The following PRCD variants were observed in gnomAD, a reference collection of about 807,000 sequenced individuals.
The protein encoded by PRCD is photoreceptor disc component.
Under a neutral mutation model 10.1 loss-of-function variants are expected in PRCD, and 12 were observed. That is an observed-to-expected ratio of 1.18 (90% CI 0.76 to 1.92). The LOEUF is 1.92. Among genes scored for constraint, PRCD ranks in the 40% most tolerant of loss-of-function variants. The pLI is 0.00. For missense variants in PRCD, 61 were observed against 72.2 expected (o/e 0.84, Z 0.56); for synonymous variants, 31 against 26.2 (o/e 1.18, Z -0.56).
intron 1 of PRCD, chr17:76,529,026 G>GC: frequency 2.0e-6 from 2 of 981,362 alleles, no homozygotes; most frequent in Non-Finnish European, 2.4e-6. Flanking sequence ...TACACACAGC[G>GC]CCCCCTGCAG....
rs2074826620 is a variant in PRCD at position 76,530,715 on chromosome 17, C to G, written n.45+2882C>G. ...TGTGGCTTTGGGTGCTCTGAGCTCT[C>G]CCTGGCTCTAGGGAAGGGGAAGGCT... On this transcript the variant is annotated intron_variant and non_coding_transcript_variant, in intron 1 of 4. Transcript: ENST00000397633. This position sits in a 1 kb window ranked among gnomAD's most constrained non-coding sequence, Gnocchi z 6.1. 1.3e-5 allele frequency among the ~76,000 whole-genome samples: 2 copies of G among 152,170 alleles called. No homozygotes were observed. Among genetic ancestry groups the G allele is most frequent in the Admixed American group, 1.3e-4 (2 of 15,274 alleles).
rs949911530 is a variant in PRCD, at chr17:76,531,447, T to C, written n.45+3614T>C. ...TGGGCGGTGGGGGCTCTGCAGCAGA[T>C]GGGGGCGCATACCTTGAAGTACACC... On this transcript the variant is annotated intron_variant and non_coding_transcript_variant, in intron 1 of 4. Transcript: ENST00000397633. The surrounding 1 kb of genome is among the most constrained non-coding windows in gnomAD (Gnocchi z 7.4). 1.3e-6 allele frequency: 2 copies of C among 1,596,870 alleles called. No homozygotes were observed. Among genetic ancestry groups the C allele is most frequent in the Non-Finnish European group, 1.7e-6 (2 of 1,165,720 alleles).
At position 76,544,600 on chromosome 17, in the gene PRCD, C is replaced by T. The variant is rs1195224516; in HGVS notation, c.*950C>T. ...GCCAGAGCGCCAGCCTGACCCAGGC[C>T]GTGAGCCCGTGATCGCCTGTCTCAG... is the stretch of plus-strand genomic sequence containing the variant. On this transcript the variant is annotated 3_prime_UTR_variant, in exon 5 of 5. Transcript: ENST00000592014. 7 of 456,614 alleles carry T rather than the reference C, an allele frequency of 1.5e-5. No homozygotes were observed. Among genetic ancestry groups the T allele is most frequent in the Admixed American group, 2.3e-5 (1 of 42,570 alleles). The allele number at this position is 456,614 out of a possible 1,614,324, so 28.3% of individuals were successfully genotyped here. A position where few individuals can be genotyped will look rare whatever the true frequency, so the allele number is the denominator to read the frequency against.
chr17:76,531,585 G>A lies in PRCD; in HGVS notation n.45+3752G>A. ...ACAGTGTTGAGGGCCCCCATGACTC[G>A]GCAGGCGTGCTTCCGCAGCTGGGGG... On this transcript the variant is annotated intron_variant and non_coding_transcript_variant, in intron 1 of 4. Coordinates refer to the PRCD transcript ENST00000397633. The surrounding 1 kb of genome is among the most constrained non-coding windows in gnomAD (Gnocchi z 7.4). 1.2e-6 allele frequency: 2 copies of A among 1,613,982 alleles called. No individual in the cohort carries two copies. The highest frequency in any genetic ancestry group is 1.7e-6 in the Non-Finnish European group (2 of 1,179,828).
chr17:76,538,860 C>T (rs1007527440), upstream of PRCD, among the ~76,000 whole-genome samples: 1 of 152,256 alleles, frequency 6.6e-6, no homozygotes, highest in Non-Finnish European at 1.5e-5. Flanking sequence ...CCTGTCCTCG[C>T]TCAAGACTTG....
rs886053480 is a variant in PRCD at position 76,544,897 on chromosome 17, C to A, written c.*1247C>A. 4.4e-6 allele frequency: 2 copies of A among 456,800 alleles called. No homozygotes were observed. Among genetic ancestry groups the A allele is most frequent in the Non-Finnish European group, 8.8e-6 (2 of 226,976 alleles). 28.3% of individuals were successfully genotyped at this position (456,800 alleles called of 1,614,324 possible). Reference sequence around the variant, plus strand: ...ACTTCCCCAGGGCAGCGCCCCTCCACGCCACTGTTCCGAGAACCTGCGCAG... The same window carrying A: ...ACTTCCCCAGGGCAGCGCCCCTCCAAGCCACTGTTCCGAGAACCTGCGCAG... On this transcript the variant is annotated 3_prime_UTR_variant, in exon 5 of 5. Transcript: ENST00000592014.
intron 1 of PRCD, among the ~76,000 whole-genome samples, chr17:76,534,108 TTTC>T (rs779611726): frequency 0.03 from 4,390 of 148,166 alleles, 92 homozygotes; most frequent in Non-Finnish European, 0.047. Flanking sequence ...TTTTTCTTTC[TTTC>T]TTCTTTCTTT....
Position 76,543,938 on chromosome 17 carries a change from T to C in PRCD, c.*288T>C. 1 of 469,830 alleles carries C rather than the reference T, an allele frequency of 2.1e-6. No individual in the cohort carries two copies. Among genetic ancestry groups the C allele is most frequent in the Non-Finnish European group, 4.4e-6 (1 of 227,064 alleles). The allele number at this position is 469,830 out of a possible 1,614,324, so 29.1% of individuals were successfully genotyped here. ...GTCCTCCGAATGTGTTTTCTGTATGTGTGCAAGCGCGTGTGTTCCAAACGG... is the reference window on the plus strand; with the variant it reads ...GTCCTCCGAATGTGTTTTCTGTATGCGTGCAAGCGCGTGTGTTCCAAACGG... On this transcript the variant is annotated 3_prime_UTR_variant, in exon 5 of 5. Transcript: ENST00000592014.
downstream of PRCD, among the ~76,000 whole-genome samples, chr17:76,548,057 TACAC>T (rs563891616): frequency 2.5e-4 from 37 of 150,934 alleles, no homozygotes; most frequent in East Asian, 9.8e-4. Context: ...TTCACACACA[TACAC>T]ACAGACATAC....
Position 76,540,071 on chromosome 17 carries a change from T to C in PRCD, c.-71T>C. The C allele has an allele frequency of 6.7e-6, 10 of 1,489,562 alleles. No individual in the cohort carries two copies. Among genetic ancestry groups the C allele is most frequent in the Non-Finnish European group, 8.3e-6 (9 of 1,088,844 alleles). 92.3% of individuals were successfully genotyped at this position (1,489,562 alleles called of 1,614,324 possible). A position where few individuals can be genotyped will look rare whatever the true frequency, so the allele number is the denominator to read the frequency against. Reference sequence around the variant, plus strand: ...ACGGCAGTGGCTCCTGAGAGCTGGCTGGGGCCATTTTGGCCCCTCGCCTGT... The same window carrying C: ...ACGGCAGTGGCTCCTGAGAGCTGGCCGGGGCCATTTTGGCCCCTCGCCTGT... On this transcript the variant is annotated 5_prime_UTR_variant, in exon 1 of 5. Coordinates refer to ENST00000592014, the MANE Select transcript of PRCD (RefSeq NM_001077620.3). This position sits in a 1 kb window ranked among gnomAD's most constrained non-coding sequence, Gnocchi z 5.0.
chr17:76,531,139 G>C lies in PRCD; in HGVS notation n.45+3306G>C. On this transcript the variant is annotated intron_variant and non_coding_transcript_variant, in intron 1 of 4. Transcript: ENST00000397633. The surrounding 1 kb of genome is among the most constrained non-coding windows in gnomAD (Gnocchi z 7.4). ...ACCACCTCCAGAATGACCCCAGAGA[G>C]GATCTGGGGGCAAAGGGAGGAAGGG... The C allele has an allele frequency of 6.2e-7, 1 of 1,611,918 alleles. No homozygotes were observed. The highest frequency in any genetic ancestry group is 8.5e-7 in the Non-Finnish European group (1 of 1,178,590).
chr17:76,528,153 G>A lies in PRCD; in HGVS notation n.45+320G>A. The A allele has an allele frequency of 2.7e-6, 1 of 376,624 alleles. No homozygotes were observed. The highest frequency in any genetic ancestry group is 4.7e-6 in the Non-Finnish European group (1 of 214,358). 23.3% of individuals were successfully genotyped at this position (376,624 alleles called of 1,614,324 possible). On this transcript the variant is annotated intron_variant and non_coding_transcript_variant, in intron 1 of 4. Transcript: ENST00000397633. The surrounding 1 kb of genome is among the most constrained non-coding windows in gnomAD (Gnocchi z 5.8). Reference sequence around the variant, plus strand: ...ATATGTATATATATATTTATATATAGCTCGTATATAGAATATATCTGTATA... The same window carrying A: ...ATATGTATATATATATTTATATATAACTCGTATATAGAATATATCTGTATA...
intron 1 of PRCD, chr17:76,529,913 G>A (rs561667310): frequency 2.3e-5 from 23 of 985,218 alleles, no homozygotes; most frequent in Middle Eastern, 5.2e-4. Flanking sequence ...TGACGGGAGA[G>A]GGGGGAGGGG....
chr17:76,549,389 AAAG>A, downstream of PRCD, among the ~76,000 whole-genome samples: 1 of 152,356 alleles, frequency 6.6e-6, no homozygotes, highest in East Asian at 1.9e-4. Context: ...GCACTTTGGG[AAAG>A]AAGAAAGATA....
intron 1 of PRCD, among the ~76,000 whole-genome samples, chr17:76,534,257 A>C (rs111699153): frequency 0.027 from 4,096 of 149,878 alleles, 191 homozygotes; most frequent in African/African-American, 0.093. Context: ...GCTCACTGCA[A>C]CCTCTGCCTC....
Position 76,531,364 on chromosome 17 carries a change from C to T in PRCD, n.45+3531C>T, listed in dbSNP as rs2074839843. 2 of 1,449,522 alleles carry T rather than the reference C, an allele frequency of 1.4e-6. No homozygotes were observed. The highest frequency in any genetic ancestry group is 4.7e-5 in the East Asian group (2 of 42,464). The allele number at this position is 1,449,522 out of a possible 1,614,324, so 89.8% of individuals were successfully genotyped here. A position where few individuals can be genotyped will look rare whatever the true frequency, so the allele number is the denominator to read the frequency against. On this transcript the variant is annotated intron_variant and non_coding_transcript_variant, in intron 1 of 4. Transcript: ENST00000397633. This position sits in a 1 kb window ranked among gnomAD's most constrained non-coding sequence, Gnocchi z 7.4. ...CCTCTCGCAGCCACTCCGGGGATCACCTCTGTTGCTCCAGAGAGCCGTCGC... is the reference window on the plus strand; with the variant it reads ...CCTCTCGCAGCCACTCCGGGGATCATCTCTGTTGCTCCAGAGAGCCGTCGC...
At position 76,531,764 on chromosome 17, in the gene PRCD, T is replaced by G. The variant is rs752474897; in HGVS notation, n.45+3931T>G. On this transcript the variant is annotated intron_variant and non_coding_transcript_variant, in intron 1 of 4. Coordinates refer to the PRCD transcript ENST00000397633. This position sits in a 1 kb window ranked among gnomAD's most constrained non-coding sequence, Gnocchi z 7.4. ...GCCCACCCTGAAGCTTCCAGGATAG[T>G]GGGGGCTGAAGAAGTGGACCGCAGT... 5.8e-5 allele frequency: 73 copies of G among 1,267,328 alleles called. 1 individual carries two copies. Among genetic ancestry groups the G allele is most frequent in the Middle Eastern group, 3.9e-4 (2 of 5,192 alleles). 78.5% of individuals were successfully genotyped at this position (1,267,328 alleles called of 1,614,324 possible).
intron 2 of PRCD, among the ~76,000 whole-genome samples, chr17:76,541,517 C>G (rs901291624): frequency 6.6e-6 from 1 of 152,142 alleles, no homozygotes; most frequent in African/African-American, 2.4e-5. Flanking sequence ...AGAGAACTTC[C>G]GTCTTTCTGT....
At chr17:76,552,147 C>A (rs1033802609) in intron 1 of PRCD, 5 of 152,098 alleles carry the variant, frequency 3.3e-5, no homozygotes, top group African/African-American at 1.2e-4. Flanking sequence ...AAACAGAACA[C>A]CCAACTTAAA....
Sources: gnomAD v4.1 joint callset for allele counts (sites outside exome capture counted in the v4.1 genomes callset) on GRCh38, gnomAD v4.1.1 for gene constraint, Gnocchi (gnomAD v3.1) non-coding constraint, MANE v1.5 for transcripts, NCBI Gene and HGNC (gene_info 2026-07-23, HGNC 2026-07-21) for gene names.